Variants in ZNF385B observed in about 807,000 individuals in gnomAD.
ZNF385B encodes zinc finger protein 385B, also known as zinc finger protein 533.
In ZNF385B, 23 loss-of-function variants were observed where a neutral mutation model predicts 39.2. The ratio of observed to expected loss-of-function variants is 0.59; its 90% CI spans 0.42 to 0.83. ZNF385B has a LOEUF of 0.83. ZNF385B is among the 40% of genes least tolerant of loss of function. The pLI is 0.00. For missense variants in ZNF385B, 552 were observed against 598.9 expected (o/e 0.92, Z 0.82); for synonymous variants, 205 against 222.6 (o/e 0.92, Z 0.70).
rs141853039 is a variant in ZNF385B, at chr2:179,586,593, A to G, written c.299-41624T>C. Among the ~76,000 whole-genome samples the G allele has an allele frequency of 6.2e-4, 94 of 152,310 alleles. 1 individual carries two copies. Among genetic ancestry groups the G allele is most frequent in the African/African-American group, 2.2e-3 (92 of 41,572 alleles). On this transcript the variant is annotated intron_variant, in intron 3 of 9. Coordinates refer to ENST00000410066, the MANE Select transcript of ZNF385B (RefSeq NM_152520.6). ...TTGTGTTATATTCGGCTGCCACCCC[A>G]TTGACTTAAAAGGAGGGCACCCAGG...
At chr2:179,698,669 G>A (rs746613143) in intron 3 of ZNF385B, among the ~76,000 whole-genome samples, 4 of 152,112 alleles carry the variant, frequency 2.6e-5, no homozygotes, top group Non-Finnish European at 2.9e-5. Flanking sequence ...GTTGAAAAGA[G>A]GAGTGATCAT....
At chr2:179,712,740 C>CTAA (rs1409209343) in intron 3 of ZNF385B, among the ~76,000 whole-genome samples, 1 of 152,200 alleles carries the variant, frequency 6.6e-6, no homozygotes, top group Non-Finnish European at 1.5e-5. Context: ...TTTATAGGAA[C>CTAA]ATTAAAATTT....
intron 3 of ZNF385B, among the ~76,000 whole-genome samples, chr2:179,765,124 A>G (rs1703614057): frequency 6.6e-6 from 1 of 152,096 alleles, no homozygotes. Context: ...CCTTTCTCCT[A>G]CTGGTTCTGC....
At chr2:179,673,952 A>C (rs2106310220) in intron 3 of ZNF385B, among the ~76,000 whole-genome samples, 1 of 152,346 alleles carries the variant, frequency 6.6e-6, no homozygotes, top group Admixed American at 6.5e-5. Flanking sequence ...TGAAAATGAA[A>C]TGTTTGATAT....
At chr2:179,725,885 TATATGA>T (rs1231081565) in intron 3 of ZNF385B, among the ~76,000 whole-genome samples, 7 of 145,694 alleles carry the variant, frequency 4.8e-5, no homozygotes, top group Admixed American at 2.8e-4. Context: ...ACATGATATA[TATATGA>T]ATATATGTGT....
chr2:179,584,961 A>C (rs1686934853), intron 3 of ZNF385B, among the ~76,000 whole-genome samples: 1 of 152,166 alleles, frequency 6.6e-6, no homozygotes, highest in Admixed American at 6.5e-5. Flanking sequence ...ACAGAGAGCA[A>C]ATGAGGAGAG....
At chr2:179,655,066 G>A (rs1693596806) in intron 3 of ZNF385B, among the ~76,000 whole-genome samples, 1 of 152,132 alleles carries the variant, frequency 6.6e-6, no homozygotes, top group Admixed American at 6.5e-5. Context: ...TCAACTCTCT[G>A]GAAAGCTAGG....
At chr2:179,743,915 G>A (rs997878451) in intron 3 of ZNF385B, among the ~76,000 whole-genome samples, 15 of 152,034 alleles carry the variant, frequency 9.9e-5, no homozygotes, top group Admixed American at 6.6e-4. Context: ...TTAACTCGCC[G>A]TACTCATAGC....
At chr2:179,793,304 C>G (rs933661595) in intron 1 of ZNF385B, among the ~76,000 whole-genome samples, 1 of 152,216 alleles carries the variant, frequency 6.6e-6, no homozygotes, top group Non-Finnish European at 1.5e-5. Context: ...TCAGTGAGCA[C>G]TACCACTCAG....
At position 179,442,014 on chromosome 2, in the gene ZNF385B, A is replaced by G. The variant is rs1212930454; in HGVS notation, c.*1236T>C. 6.5e-6 allele frequency: 1 copy of G among 152,678 alleles called. No homozygotes were observed. Among genetic ancestry groups the G allele is most frequent in the Non-Finnish European group, 1.5e-5 (1 of 68,048 alleles). The allele number at this position is 152,678 out of a possible 1,614,324, so 9.5% of individuals were successfully genotyped here. ...TTTTGTACTTTTATTGAAAAGGTAC[A>G]TTTAAAAAAATACACAGACATTTTA... On this transcript the variant is annotated 3_prime_UTR_variant, in exon 10 of 10. Transcript: ENST00000410066.
rs71401757 is a variant in ZNF385B at position 179,679,601 on chromosome 2, A to ATTGTTGTTG, written c.298+89893_298+89901dup. On this transcript the variant is annotated intron_variant, in intron 3 of 9. Coordinates refer to ENST00000410066, the MANE Select transcript of ZNF385B (RefSeq NM_152520.6). ...ATTTTATTTCTTATTAACAGCTATT[A>ATTGTTGTTG]TTGTTGTTGTTGTTGTTGTTGTTGT... 4.5e-4 allele frequency among the ~76,000 whole-genome samples: 68 copies of ATTGTTGTTG among 150,374 alleles called. 1 individual carries two copies. Among genetic ancestry groups the ATTGTTGTTG allele is most frequent in the African/African-American group, 1.4e-3 (56 of 40,920 alleles).
intron 6 of ZNF385B, among the ~76,000 whole-genome samples, chr2:179,477,307 C>T (rs1014871122): frequency 1.1e-4 from 16 of 152,178 alleles, no homozygotes; most frequent in Non-Finnish European, 7.3e-5. Context: ...AAAAGCTAAA[C>T]TGCTGCTTTT....
At chr2:179,653,773 C>T (rs887617941) in intron 3 of ZNF385B, among the ~76,000 whole-genome samples, 1 of 152,132 alleles carries the variant, frequency 6.6e-6, no homozygotes, top group Non-Finnish European at 1.5e-5. Flanking sequence ...AAAAGGACAA[C>T]GAGCAGCAGT....
chr2:179,655,184 T>C (rs1160859422), intron 3 of ZNF385B, among the ~76,000 whole-genome samples: 1 of 152,158 alleles, frequency 6.6e-6, no homozygotes, highest in East Asian at 1.9e-4. Flanking sequence ...TTAACCCTGC[T>C]TCTCAAAATC....
chr2:179,796,726 A>G (rs1223137705), intron 1 of ZNF385B, among the ~76,000 whole-genome samples: 1 of 152,088 alleles, frequency 6.6e-6, no homozygotes, highest in African/African-American at 2.4e-5. Context: ...GCTGATCAAG[A>G]AAATGTAAAA....
intron 3 of ZNF385B, among the ~76,000 whole-genome samples, chr2:179,711,085 G>C (rs1031660837): frequency 6.6e-6 from 1 of 152,208 alleles, no homozygotes; most frequent in Non-Finnish European, 1.5e-5. Context: ...GTAGTGGGAT[G>C]TGCACCATTC....
At chr2:179,771,659 A>G (rs960466343) in intron 1 of ZNF385B, among the ~76,000 whole-genome samples, 30 of 152,222 alleles carry the variant, frequency 2.0e-4, no homozygotes, top group Non-Finnish European at 7.3e-5. Context: ...TAAACCTAAG[A>G]TATTATGTTA....
chr2:179,649,069 GTAAAAGGAATATAGCA>G (rs1383338348), intron 3 of ZNF385B, among the ~76,000 whole-genome samples: 1 of 152,150 alleles, frequency 6.6e-6, no homozygotes, highest in African/African-American at 2.4e-5. Context: ...ATAGGATATA[GTAAAAGGAATATAGCA>G]TCATTTTCAT....
chr2:179,465,406 C>A (rs1054472393), intron 6 of ZNF385B, among the ~76,000 whole-genome samples: 12 of 152,104 alleles, frequency 7.9e-5, no homozygotes, highest in Admixed American at 6.6e-4. Context: ...CCTTTTCCAC[C>A]AATACTCTAT....
Sources: gnomAD v4.1 joint callset for allele counts (sites outside exome capture counted in the v4.1 genomes callset) on GRCh38, gnomAD v4.1.1 for gene constraint, MANE v1.5 for transcripts, NCBI Gene and HGNC (gene_info 2026-07-23, HGNC 2026-07-21) for gene names.